The following CPB1 variants were observed in gnomAD, a reference collection of about 807,000 sequenced individuals.
The protein encoded by CPB1 is carboxypeptidase B1.
In CPB1, 53 loss-of-function variants were observed where a neutral mutation model predicts 51.4. The ratio of observed to expected loss-of-function variants is 1.03; its 90% CI spans 0.83 to 1.30. CPB1 has a LOEUF of 1.30. Among genes scored for constraint, CPB1 ranks in the 50% most tolerant of loss-of-function variants. The probability of loss-of-function intolerance (pLI) is 0.00; values close to 1 mark genes in which losing one functional copy is unlikely to be tolerated. For missense variants in CPB1, 494 were observed against 516.2 expected (o/e 0.96, Z 0.42); for synonymous variants, 189 against 186.9 (o/e 1.01, Z -0.09).
chr3:148,828,147 GAA>G, intron 2 of CPB1, 70 bp downstream of exon 2: 1 of 1,165,490 alleles, frequency 8.6e-7, no homozygotes, highest in East Asian at 2.4e-5. Context: ...TCCGACAATG[GAA>G]AAAAAAACAT....
chr3:148,858,868 C>G (rs1713671602), intron 10 of CPB1, among the ~76,000 whole-genome samples: 1 of 152,234 alleles, frequency 6.6e-6, no homozygotes, highest in Non-Finnish European at 1.5e-5. Flanking sequence ...GAAACACACA[C>G]ATGACAAAAG....
intron 5 of CPB1, among the ~76,000 whole-genome samples, chr3:148,841,551 T>C (rs1713081431): frequency 1.3e-5 from 2 of 152,184 alleles, no homozygotes; most frequent in South Asian, 4.1e-4. Flanking sequence ...ATGAGTACAA[T>C]TAAGCAGGGT....
intron 9 of CPB1, among the ~76,000 whole-genome samples, chr3:148,847,743 C>A (rs1171233063): frequency 1.3e-5 from 2 of 152,016 alleles, no homozygotes; most frequent in East Asian, 3.8e-4. Flanking sequence ...AAGCACAAGC[C>A]ACAAAATAAT....
Position 148,845,434 on chromosome 3 carries a change from C to G in CPB1, c.789C>G (p.Ala263=). The change falls in exon 9 of 11, where the codon GCC becomes GCG. Residue 263 remains alanine, a synonymous_variant. Coordinates refer to ENST00000282957, the MANE Select transcript of CPB1 (RefSeq NM_001871.3). The part of the protein sequence containing the change: ...NFDAGWCEIG[A]SRNPCDETYC... ...CATATGTTTTTCCAGAAATTGGAGC[C>G]TCTCGAAACCCCTGTGATGAAACTT... The G allele has an allele frequency of 6.2e-7, 1 of 1,613,684 alleles. No individual in the cohort carries two copies. The highest frequency in any genetic ancestry group is 8.5e-7 in the Non-Finnish European group (1 of 1,179,742).
intron 9 of CPB1, 61 bp downstream of exon 9, chr3:148,845,687 G>GA (rs139558909): frequency 1.5e-3 from 1,912 of 1,286,640 alleles, no homozygotes; most frequent in South Asian, 1.8e-3. Flanking sequence ...TTCTAATCCT[G>GA]AAAAAAAAAT....
At chr3:148,858,916 G>A (rs1713672932) in intron 10 of CPB1, among the ~76,000 whole-genome samples, 1 of 152,178 alleles carries the variant, frequency 6.6e-6, no homozygotes, top group Non-Finnish European at 1.5e-5. Flanking sequence ...AGTGCAGTTG[G>A]AGAGGCTCCA....
chr3:148,833,564 A>G (rs1169113677), intron 2 of CPB1, among the ~76,000 whole-genome samples: 5 of 152,156 alleles, frequency 3.3e-5, no homozygotes, highest in Non-Finnish European at 7.4e-5. Flanking sequence ...ACATCCGAAC[A>G]GAGATTGGCT....
rs570971502 is a variant in CPB1, at chr3:148,837,713, C to T, written c.273-2973C>T. Among the ~76,000 whole-genome samples the T allele has an allele frequency of 4.6e-5, 7 of 151,534 alleles. No homozygotes were observed. The South Asian group carries it at 1.5e-3, about 32-fold the overall frequency. ...CTGGGAAGGATCATTTGAGGTCAGT[C>T]CCCCGCCTTCAAGCAGAAGTCAGCA... On this transcript the variant is annotated intron_variant, in intron 3 of 10. Transcript: ENST00000282957.
At chr3:148,847,242 C>T (rs915175891) in intron 9 of CPB1, among the ~76,000 whole-genome samples, 7 of 151,568 alleles carry the variant, frequency 4.6e-5, no homozygotes, top group Non-Finnish European at 8.8e-5. Context: ...CCAAAGTTTT[C>T]TTATTCAATA....
intron 9 of CPB1, chr3:148,851,880 C>A (rs901575448): frequency 6.6e-6 from 1 of 152,134 alleles, no homozygotes. Context: ...TCACAGTGGG[C>A]CCTGGAGCCA....
chr3:148,835,850 T>C (rs1162318409), intron 3 of CPB1, among the ~76,000 whole-genome samples: 1 of 152,222 alleles, frequency 6.6e-6, no homozygotes, highest in Non-Finnish European at 1.5e-5. Context: ...CCAGTGAAGA[T>C]GTCAGAATTG....
rs760745745 is a variant in CPB1 at position 148,840,735 on chromosome 3, C to T, written c.322C>T (p.Arg108Trp). The T allele has an allele frequency of 7.4e-6, 12 of 1,614,050 alleles. No individual in the cohort carries two copies. Among genetic ancestry groups the T allele is most frequent in the Non-Finnish European group, 9.3e-6 (11 of 1,179,986 alleles). The change falls in exon 4 of 11, where the codon CGG (arginine) becomes TGG (tryptophan). Residue 108 changes from arginine (R) to tryptophan (W), a missense_variant. By Grantham distance (101) the Arg-to-Trp change is moderately radical (BLOSUM62 -3). Coordinates refer to ENST00000282957, the MANE Select transcript of CPB1 (RefSeq NM_001871.3). ...TGTGGTGGAGGCTCAGTTTGATAGC[C>T]GGGTTCGTGCAACAGGACACAGTTA... Reference protein sequence around the residue: ...RNVVEAQFDSRVRATGHSYEK... With the variant: ...RNVVEAQFDSWVRATGHSYEK...
intron 10 of CPB1, among the ~76,000 whole-genome samples, chr3:148,858,938 T>A (rs1442816352): frequency 6.6e-6 from 1 of 152,212 alleles, no homozygotes; most frequent in Non-Finnish European, 1.5e-5. Context: ...TCCTGAGTTG[T>A]TGGGATTTAT....
intron 9 of CPB1, among the ~76,000 whole-genome samples, chr3:148,852,943 T>C (rs532192550): frequency 6.6e-6 from 1 of 152,300 alleles, no homozygotes; most frequent in East Asian, 1.9e-4. Context: ...CTTTTTCAGG[T>C]CTCAAATGCT....
At position 148,850,307 on chromosome 3, in the gene CPB1, T is replaced by A. The variant is rs1451668413; in HGVS notation, c.981+4681T>A. Among the ~76,000 whole-genome samples the A allele has an allele frequency of 2.0e-5, 3 of 152,098 alleles. No individual in the cohort carries two copies. The East Asian group carries it at 5.8e-4, about 29-fold the overall frequency. On this transcript the variant is annotated intron_variant, in intron 9 of 10. Coordinates refer to ENST00000282957, the MANE Select transcript of CPB1 (RefSeq NM_001871.3). ...TTTTTTTTGTTTGTTTGTTTGTTTG[T>A]CTGTTTGTTTTTGAGACGGAGTCTC...
At chr3:148,837,998 C>T (rs1712955309) in intron 3 of CPB1, among the ~76,000 whole-genome samples, 1 of 152,178 alleles carries the variant, frequency 6.6e-6, no homozygotes, top group South Asian at 2.1e-4. Context: ...CCTATAATCC[C>T]AGCACCTTGG....
chr3:148,834,410 ACT>A, intron 2 of CPB1, 86 bp from the exon 3 acceptor site: 1 of 1,235,354 alleles, frequency 8.1e-7, no homozygotes, highest in Non-Finnish European at 1.2e-6. Flanking sequence ...TTTGAAAATA[ACT>A]CAATTCAGTA....
chr3:148,850,524 G>A (rs9838876), intron 9 of CPB1, among the ~76,000 whole-genome samples: 39,998 of 151,844 alleles, frequency 0.26, 5,345 homozygotes, highest in South Asian at 0.31. Context: ...GGGTGGTCTC[G>A]ATCTCCTGAC....
intron 2 of CPB1, among the ~76,000 whole-genome samples, chr3:148,832,178 A>G (rs1474821957): frequency 2.0e-5 from 3 of 152,206 alleles, no homozygotes; most frequent in Admixed American, 6.5e-5. Flanking sequence ...TAATTCTTGC[A>G]CTGAAATCTT....
Sources: allele counts gnomAD v4.1 joint callset (sites outside exome capture counted in the v4.1 genomes callset), GRCh38; gene constraint gnomAD v4.1.1; transcripts MANE v1.5; gene names NCBI Gene and HGNC (gene_info 2026-07-23, HGNC 2026-07-21).